Variants in RALYL observed in about 807,000 individuals in gnomAD.
RALYL encodes the protein RNA-binding Raly-like protein.
A neutral mutation model predicts 35.1 loss-of-function variants in RALYL; 29 were observed. The ratio of observed to expected loss-of-function variants is 0.83; its 90% CI spans 0.61 to 1.13. The LOEUF (loss-of-function observed/expected upper bound fraction) is 1.13. Among genes scored for constraint, RALYL ranks in the 50% most tolerant of loss-of-function variants. The pLI is 0.00. For missense variants in RALYL, 359 were observed against 360.4 expected (o/e 1.00, Z 0.03); for synonymous variants, 120 against 127.6 (o/e 0.94, Z 0.40).
intron 1 of RALYL, among the ~76,000 whole-genome samples, chr8:84,190,358 A>G (rs1398704329): frequency 6.6e-6 from 1 of 152,206 alleles, no homozygotes; most frequent in Non-Finnish European, 1.5e-5. Context: ...TTCTGTGTTT[A>G]ATTGCCTCTT....
At chr8:84,538,815 C>T (rs2059796861) in intron 2 of RALYL, among the ~76,000 whole-genome samples, 1 of 152,106 alleles carries the variant, frequency 6.6e-6, no homozygotes, top group Non-Finnish European at 1.5e-5. Flanking sequence ...TATAAAACAA[C>T]ACACAATAGG....
chr8:84,839,565 C>T (rs557501810), intron 4 of RALYL, among the ~76,000 whole-genome samples: 254 of 152,352 alleles, frequency 1.7e-3, no homozygotes, highest in Non-Finnish European at 1.5e-3. Context: ...AAACAAAAGG[C>T]AGCAGAATCC....
At chr8:84,350,525 T>C (rs2131057372) in intron 1 of RALYL, among the ~76,000 whole-genome samples, 1 of 150,228 alleles carries the variant, frequency 6.7e-6, no homozygotes, top group Non-Finnish European at 1.5e-5. Context: ...CAGAATGAAA[T>C]AAATAAGTCT....
At chr8:84,641,182 C>T (rs1826235020) in intron 2 of RALYL, among the ~76,000 whole-genome samples, 1 of 151,002 alleles carries the variant, frequency 6.6e-6, no homozygotes, top group South Asian at 2.1e-4. Flanking sequence ...TTCTTTATAT[C>T]TCTCTCCCCT....
At chr8:84,739,020 AC>A (rs1190222850) in intron 2 of RALYL, among the ~76,000 whole-genome samples, 1 of 152,062 alleles carries the variant, frequency 6.6e-6, no homozygotes, top group Non-Finnish European at 1.5e-5. Context: ...CATGAAGATG[AC>A]ATTGGAAATT....
intron 3 of RALYL, among the ~76,000 whole-genome samples, chr8:84,787,059 T>G (rs1819662145): frequency 6.6e-6 from 1 of 152,202 alleles, no homozygotes; most frequent in Non-Finnish European, 1.5e-5. Flanking sequence ...GTGCAGAACA[T>G]GCAGGTTTGT....
chr8:84,190,410 C>G (rs769417039), intron 1 of RALYL, among the ~76,000 whole-genome samples: 1 of 152,130 alleles, frequency 6.6e-6, no homozygotes, highest in Non-Finnish European at 1.5e-5. Context: ...TTCCTTGGAA[C>G]TTGAAAAAGT....
intron 2 of RALYL, among the ~76,000 whole-genome samples, chr8:84,582,199 T>C (rs2135986561): frequency 6.6e-6 from 1 of 152,274 alleles, no homozygotes; most frequent in South Asian, 2.1e-4. Flanking sequence ...CCTTCCTAAG[T>C]GGTTAAGAAA....
chr8:84,213,822 T>C (rs909808336), intron 1 of RALYL, among the ~76,000 whole-genome samples: 1 of 152,230 alleles, frequency 6.6e-6, no homozygotes, highest in Non-Finnish European at 1.5e-5. Flanking sequence ...TACATACATA[T>C]TGGAAGTTAT....
rs112242981 is a variant in RALYL at position 84,272,383 on chromosome 8, C to T, written c.-24+87959C>T. On this transcript the variant is annotated intron_variant, in intron 1 of 8. Coordinates refer to ENST00000521268, the MANE Select transcript of RALYL (RefSeq NM_173848.7). ...TGCTGGGATTACAGGCGTAAGCCAC[C>T]GCACCTGGCCAAGTGTGTACATGTT... is the stretch of plus-strand genomic sequence containing the variant. Among the ~76,000 whole-genome samples, 477 of 152,146 alleles carry T rather than the reference C, an allele frequency of 3.1e-3. 5 individuals carry two copies. The highest frequency in any genetic ancestry group is 0.011 in the African/African-American group (461 of 41,506).
At chr8:84,452,366 T>A (rs1216765845) in intron 1 of RALYL, among the ~76,000 whole-genome samples, 1 of 151,910 alleles carries the variant, frequency 6.6e-6, no homozygotes, top group South Asian at 2.1e-4. Context: ...ATTTATATTC[T>A]AAAATAAAAT....
chr8:84,642,019 A>G (rs1012740888), intron 2 of RALYL, among the ~76,000 whole-genome samples: 7 of 152,040 alleles, frequency 4.6e-5, no homozygotes, highest in Non-Finnish European at 2.9e-5. Context: ...TGTGAATGAA[A>G]AGCATTTGGA....
intron 4 of RALYL, among the ~76,000 whole-genome samples, chr8:84,818,436 G>T (rs1487329800): frequency 1.3e-5 from 2 of 152,168 alleles, no homozygotes; most frequent in African/African-American, 4.8e-5. Flanking sequence ...TCTTCAAGGT[G>T]AGGTAAGAAT....
At chr8:84,377,463 T>TTTGTTTGTTTGTTTGTTTG (rs1554640581) in intron 1 of RALYL, among the ~76,000 whole-genome samples, 1,708 of 145,536 alleles carry the variant, frequency 0.012, 35 homozygotes, top group African/African-American at 0.043. Flanking sequence ...TTTTTTTTTT[T>TTTGTTTGTTTGTTTGTTTG]TTTTTTTTTT....
intron 1 of RALYL, among the ~76,000 whole-genome samples, chr8:84,201,645 C>T (rs1455334839): frequency 6.6e-6 from 1 of 151,090 alleles, no homozygotes; most frequent in Admixed American, 6.6e-5. Context: ...TCATTGTAAT[C>T]TTGAACTCCT....
At chr8:84,497,319 G>A (rs923622456) in intron 1 of RALYL, among the ~76,000 whole-genome samples, 2 of 152,144 alleles carry the variant, frequency 1.3e-5, no homozygotes, top group Non-Finnish European at 2.9e-5. Context: ...GGAGCAAAGT[G>A]TGACTTGTAC....
intron 2 of RALYL, among the ~76,000 whole-genome samples, chr8:84,754,063 C>T (rs945023261): frequency 5.3e-5 from 8 of 151,716 alleles, no homozygotes; most frequent in South Asian, 2.1e-4. Flanking sequence ...GAGTAGGTTG[C>T]GAAAATTTTC....
At chr8:84,623,732 G>T (rs1303416988) in intron 2 of RALYL, among the ~76,000 whole-genome samples, 1 of 152,040 alleles carries the variant, frequency 6.6e-6, no homozygotes, top group Admixed American at 6.6e-5. Flanking sequence ...GGTACAAATA[G>T]TTACCCTTTC....
At chr8:84,550,784 T>C (rs2060666015) in intron 2 of RALYL, among the ~76,000 whole-genome samples, 1 of 151,882 alleles carries the variant, frequency 6.6e-6, no homozygotes, top group African/African-American at 2.4e-5. Flanking sequence ...TAAGGCTCAT[T>C]ATTAAAAAAT....
Sources: gnomAD v4.1 joint callset for allele counts (sites outside exome capture counted in the v4.1 genomes callset) on GRCh38, gnomAD v4.1.1 for gene constraint, MANE v1.5 for transcripts, NCBI Gene and HGNC (gene_info 2026-07-23, HGNC 2026-07-21) for gene names.